Variants in CDH13 observed in about 807,000 individuals in gnomAD.
CDH13 encodes the protein cadherin 13.
A neutral mutation model predicts 63.8 loss-of-function variants in CDH13; 24 were observed. The observed-to-expected ratio is 0.38, with a 90% confidence interval of 0.27 to 0.53. The LOEUF is 0.53. CDH13 is among the 20% of genes least tolerant of loss of function. The pLI, the probability that CDH13 is intolerant of heterozygous loss-of-function variation, is 0.85. For synonymous variants in CDH13, 503 were observed against 355.3 expected (o/e 1.42, Z -4.67); for missense variants, 1,049 against 903.1 (o/e 1.16, Z -2.07).
intron 5 of CDH13, among the ~76,000 whole-genome samples, chr16:83,297,991 G>T (rs935015978): frequency 8.1e-5 from 12 of 148,400 alleles, no homozygotes; most frequent in Non-Finnish European, 1.6e-4. Context: ...CAGGAGGATT[G>T]CTTGAGCCCA....
chr16:82,685,485 G>T (rs766830857), intron 1 of CDH13, among the ~76,000 whole-genome samples: 14 of 152,184 alleles, frequency 9.2e-5, no homozygotes, highest in African/African-American at 3.1e-4. Flanking sequence ...ATGGATGTTG[G>T]GGGGAATAAA....
intron 7 of CDH13, among the ~76,000 whole-genome samples, chr16:83,490,097 G>C (rs144848476): frequency 1.3e-5 from 2 of 151,734 alleles, no homozygotes; most frequent in Non-Finnish European, 2.9e-5. Flanking sequence ...CAAAGCAAAC[G>C]TGTGTTTCCT....
chr16:83,191,254 C>G (rs745403318), intron 4 of CDH13, among the ~76,000 whole-genome samples: 5 of 144,790 alleles, frequency 3.5e-5, no homozygotes, highest in Non-Finnish European at 7.5e-5. Flanking sequence ...CAGAATAAGC[C>G]TGTAACAAAT....
At chr16:83,049,252 G>C (rs1360445948) in intron 3 of CDH13, among the ~76,000 whole-genome samples, 1 of 150,838 alleles carries the variant, frequency 6.6e-6, no homozygotes, top group Non-Finnish European at 1.5e-5. Context: ...CCAGCTCCTG[G>C]CTTTATGTAT....
At chr16:82,990,889 G>C (rs1597369863) in intron 2 of CDH13, among the ~76,000 whole-genome samples, 1 of 152,056 alleles carries the variant, frequency 6.6e-6, no homozygotes, top group Admixed American at 6.6e-5. Context: ...CAGCACCAAG[G>C]CTCATACATA....
chr16:83,409,023 G>A (rs999057205), intron 6 of CDH13, among the ~76,000 whole-genome samples: 4 of 152,092 alleles, frequency 2.6e-5, no homozygotes, highest in Non-Finnish European at 5.9e-5. Context: ...GTGGTTTATT[G>A]TTGGTTTCCA....
At chr16:83,206,727 T>G (rs1426962157) in intron 4 of CDH13, among the ~76,000 whole-genome samples, 1 of 151,876 alleles carries the variant, frequency 6.6e-6, no homozygotes, top group East Asian at 1.9e-4. Flanking sequence ...TCAACAGTTG[T>G]GTTGTGTGGG....
chr16:83,188,220 G>A (rs1243656186), intron 4 of CDH13, among the ~76,000 whole-genome samples: 1 of 152,178 alleles, frequency 6.6e-6, no homozygotes, highest in East Asian at 1.9e-4. Context: ...GACGGATGGA[G>A]AATAGAATAG....
At chr16:83,471,682 G>A (rs1201770529) in intron 6 of CDH13, among the ~76,000 whole-genome samples, 6 of 152,162 alleles carry the variant, frequency 3.9e-5, no homozygotes, top group African/African-American at 1.2e-4. Flanking sequence ...TGAAGGCAGG[G>A]TTTGAAGTAG....
chr16:82,860,172 C>G (rs2039879136), intron 2 of CDH13, among the ~76,000 whole-genome samples: 1 of 152,012 alleles, frequency 6.6e-6, no homozygotes, highest in African/African-American at 2.4e-5. Flanking sequence ...TCTATGTTAA[C>G]ATGCTTGGAA....
At chr16:82,924,426 A>G (rs1798589659) in intron 2 of CDH13, among the ~76,000 whole-genome samples, 1 of 152,242 alleles carries the variant, frequency 6.6e-6, no homozygotes, top group African/African-American at 2.4e-5. Context: ...CAGGAGGACA[A>G]TATCAAAACA....
At chr16:83,460,567 G>GA (rs1039171483) in intron 6 of CDH13, among the ~76,000 whole-genome samples, 11 of 152,098 alleles carry the variant, frequency 7.2e-5, no homozygotes, top group African/African-American at 2.4e-4. Context: ...TGCATATGTG[G>GA]AAAACACAGT....
chr16:83,485,436 C>G (rs79717049), intron 6 of CDH13, among the ~76,000 whole-genome samples: 1 of 152,158 alleles, frequency 6.6e-6, no homozygotes, highest in Non-Finnish European at 1.5e-5. Context: ...AGAATCAGGT[C>G]CTATTTGTAT....
At chr16:82,873,855 C>T (rs1162295536) in intron 2 of CDH13, among the ~76,000 whole-genome samples, 1 of 152,122 alleles carries the variant, frequency 6.6e-6, no homozygotes, top group Non-Finnish European at 1.5e-5. Context: ...ATATTTTCTT[C>T]CTACTTCTTC....
At chr16:83,405,152 TAAC>T (rs1419618567) in intron 6 of CDH13, among the ~76,000 whole-genome samples, 1 of 151,952 alleles carries the variant, frequency 6.6e-6, no homozygotes, top group Non-Finnish European at 1.5e-5. Context: ...AAAAAAATCT[TAAC>T]AATTCTATGT....
intron 6 of CDH13, among the ~76,000 whole-genome samples, chr16:83,434,255 T>G (rs1368231875): frequency 1.3e-5 from 2 of 152,174 alleles, no homozygotes; most frequent in African/African-American, 4.8e-5. Flanking sequence ...TGGTACAACA[T>G]GGGAGAATCA....
chr16:83,055,636 C>T (rs958118125), intron 3 of CDH13, among the ~76,000 whole-genome samples: 1 of 151,988 alleles, frequency 6.6e-6, no homozygotes, highest in Non-Finnish European at 1.5e-5. Flanking sequence ...AATTCCAAGT[C>T]CAGATGGCTT....
intron 4 of CDH13, among the ~76,000 whole-genome samples, chr16:83,181,895 A>G (rs2038359322): frequency 1.3e-5 from 2 of 152,118 alleles, no homozygotes; most frequent in Middle Eastern, 3.2e-3. Context: ...CATCCTTCTA[A>G]CTAGGTGGTG....
At chr16:83,513,586 A>G (rs1424581380) in intron 7 of CDH13, among the ~76,000 whole-genome samples, 1 of 152,184 alleles carries the variant, frequency 6.6e-6, no homozygotes, top group Non-Finnish European at 1.5e-5. Context: ...GTCCTTCTTC[A>G]CAGGGTGGCA....
Sources: gnomAD v4.1 joint callset for allele counts (sites outside exome capture counted in the v4.1 genomes callset) on GRCh38, gnomAD v4.1.1 for gene constraint, MANE v1.5 for transcripts, NCBI Gene and HGNC (gene_info 2026-07-23, HGNC 2026-07-21) for gene names.